DNAH5: variants seen among roughly 807,000 people sequenced by gnomAD.
DNAH5 encodes axonemal beta dynein heavy chain 5.
A neutral mutation model predicts 518.2 loss-of-function variants in DNAH5; 372 were observed. That is an observed-to-expected ratio of 0.72 (90% CI 0.66 to 0.78). The LOEUF is 0.78. Among genes scored for constraint, DNAH5 ranks in the 30% least tolerant of loss-of-function variants. The pLI, the probability that DNAH5 is intolerant of heterozygous loss-of-function variation, is 0.00. For missense variants in DNAH5, 5,523 were observed against 5,687.0 expected (o/e 0.97, Z 0.93); for synonymous variants, 2,039 against 2,025.9 (o/e 1.01, Z -0.17).
chr5:13,733,508 T>C (rs1746905052), intron 68 of DNAH5, among the ~76,000 whole-genome samples: 1 of 152,206 alleles, frequency 6.6e-6, no homozygotes, highest in South Asian at 2.1e-4. Flanking sequence ...AGCTCTTACA[T>C]CTACACATCT....
rs560617577 is a variant in DNAH5, at chr5:13,911,619, AT to A, written c.1537-127del. The A allele has an allele frequency of 3.3e-4, 252 of 768,826 alleles. 2 individuals carry two copies. The African/African-American group carries it at 3.8e-3, about 12-fold the overall frequency. 47.6% of individuals were successfully genotyped at this position (768,826 alleles called of 1,614,324 possible). A position where few individuals can be genotyped will look rare whatever the true frequency, so the allele number is the denominator to read the frequency against. On this transcript the variant is annotated intron_variant, in intron 11 of 78. Transcript: ENST00000265104. Reference sequence around the variant, plus strand: ...AAAAAATAAGTTTAAAGGAAGCCTTATTTTTTTACTCACATTGTTTTGTGCT... The same window carrying A: ...AAAAAATAAGTTTAAAGGAAGCCTTATTTTTTACTCACATTGTTTTGTGCT...
At chr5:13,987,425 T>C (rs1467884982) in intron 1 of DNAH5, among the ~76,000 whole-genome samples, 1 of 152,014 alleles carries the variant, frequency 6.6e-6, no homozygotes, top group East Asian at 1.9e-4. Context: ...TCCAAGCAGA[T>C]TACGGTGACA....
chr5:13,861,971 AAAAAAC>A (rs1390685398), intron 29 of DNAH5, among the ~76,000 whole-genome samples: 1,694 of 149,168 alleles, frequency 0.011, 42 homozygotes, highest in African/African-American at 0.04. Context: ...AAAAAAAAAA[AAAAAAC>A]AAGTTCAAAT....
rs144558633 is a variant in DNAH5 at position 13,823,342 on chromosome 5, C to T, written c.6608G>A (p.Ser2203Asn). 1.9e-6 allele frequency: 3 copies of T among 1,613,784 alleles called. No homozygotes were observed. The highest frequency in any genetic ancestry group is 2.5e-6 in the Non-Finnish European group (3 of 1,179,788). The change falls in exon 40 of 79, where the codon AGT becomes AAT. Residue 2203 changes from serine (S) to asparagine (N), a missense_variant. By Grantham distance (46) the Ser-to-Asn change is conservative. Around this residue, in one of 3 missense-constraint regions of DNAH5, gnomAD observed 5,121 missense variants for 5,223.3 expected, o/e 0.98. Coordinates refer to ENST00000265104, the MANE Select transcript of DNAH5 (RefSeq NM_001369.3). ...ATTTGGAAAGAGATCTTCAATCAAACTCAAAAACAAGGGTTCATCCTCATC... is the reference window on the plus strand; with the variant it reads ...ATTTGGAAAGAGATCTTCAATCAAATTCAAAAACAAGGGTTCATCCTCATC... ...LIDEDEPLFLSLIEDLFPNIL... is the reference protein window; with the variant it reads ...LIDEDEPLFLNLIEDLFPNIL...
At chr5:13,971,244 T>A (rs1008413994) in intron 1 of DNAH5, among the ~76,000 whole-genome samples, 1 of 152,234 alleles carries the variant, frequency 6.6e-6, no homozygotes, top group African/African-American at 2.4e-5. Context: ...AGTAGCTTTA[T>A]AATTGATCTT....
intron 1 of DNAH5, among the ~76,000 whole-genome samples, chr5:13,970,786 A>T (rs987442262): frequency 1.3e-5 from 2 of 152,110 alleles, no homozygotes; most frequent in Non-Finnish European, 2.9e-5. Context: ...TTTTGCTATG[A>T]ATTTCCTGGA....
At chr5:13,870,052 A>G (rs1334651701) in intron 24 of DNAH5, among the ~76,000 whole-genome samples, 1 of 152,188 alleles carries the variant, frequency 6.6e-6, no homozygotes, top group African/African-American at 2.4e-5. Context: ...TGCAAAAAAA[A>G]GACATTTTCA....
chr5:13,806,277 T>A (rs1759566949), intron 47 of DNAH5, among the ~76,000 whole-genome samples: 1 of 152,110 alleles, frequency 6.6e-6, no homozygotes, highest in Non-Finnish European at 1.5e-5. Context: ...CAATTTGGGG[T>A]TGACCATCCA....
chr5:13,901,381 C>T lies in DNAH5; in HGVS notation c.1923G>A (p.Met641Ile). 3 of 1,614,164 alleles carry T rather than the reference C, an allele frequency of 1.9e-6. No homozygotes were observed. The highest frequency in any genetic ancestry group is 1.1e-5 in the South Asian group (1 of 91,082). ...RQLFHRIQQPMQLFQQHPAVL... is the reference protein window; with the variant it reads ...RQLFHRIQQPIQLFQQHPAVL... ...CAGCTGGGTGCTGCTGGAAAAGCTG[C>T]ATGGGCTGCTGAATCCTATGGAAGA... Residue 641 changes from methionine to isoleucine, a missense_variant, in exon 14 of 79, where the codon ATG (methionine) becomes ATA (isoleucine). Met to Ile is a conservative substitution (Grantham distance 10). This residue lies in a region of DNAH5 where 5,121 missense variants were observed against 5,223.3 expected (regional missense o/e 0.98). Transcript: ENST00000265104.
intron 65 of DNAH5, among the ~76,000 whole-genome samples, chr5:13,749,442 A>G (rs1324774799): frequency 6.6e-6 from 1 of 152,146 alleles, no homozygotes; most frequent in Non-Finnish European, 1.5e-5. Flanking sequence ...AGTGTTTTCA[A>G]ATGAGCTTAA....
At chr5:13,721,502 C>T (rs930178076) in intron 70 of DNAH5, among the ~76,000 whole-genome samples, 4 of 152,088 alleles carry the variant, frequency 2.6e-5, no homozygotes, top group African/African-American at 9.7e-5. Context: ...TGGTTTGAAA[C>T]CCATTTCAAT....
At chr5:13,823,037 G>A (rs536282592) in intron 40 of DNAH5, among the ~76,000 whole-genome samples, 7 of 152,166 alleles carry the variant, frequency 4.6e-5, no homozygotes, top group South Asian at 2.1e-4. Context: ...AGGGCTACTC[G>A]CACATGACTA....
At chr5:13,948,990 G>A (rs950850927), upstream of DNAH5, among the ~76,000 whole-genome samples, 2 of 152,076 alleles carry the variant, frequency 1.3e-5, no homozygotes, top group South Asian at 4.1e-4. Context: ...GTTGAGGAAG[G>A]AATGAGAAAG....
At chr5:13,745,790 T>A (rs558850131) in intron 65 of DNAH5, among the ~76,000 whole-genome samples, 2 of 152,204 alleles carry the variant, frequency 1.3e-5, no homozygotes, top group East Asian at 3.9e-4. Flanking sequence ...ATCCTATCCC[T>A]TCCTGTGTGT....
At chr5:13,842,445 A>AG (rs1561407436) in intron 32 of DNAH5, among the ~76,000 whole-genome samples, 13 of 97,860 alleles carry the variant, frequency 1.3e-4, no homozygotes, top group African/African-American at 6.1e-4. Context: ...GAAAGAAAGA[A>AG]AGAAAGAAAG....
At chr5:13,858,153 G>T (rs185803612) in intron 30 of DNAH5, among the ~76,000 whole-genome samples, 2 of 152,250 alleles carry the variant, frequency 1.3e-5, no homozygotes, top group African/African-American at 4.8e-5. Context: ...CAAAAGGAAA[G>T]ACTTGGAACC....
At chr5:13,923,593 C>T (rs541673975) in intron 3 of DNAH5, among the ~76,000 whole-genome samples, 153 bp from the exon 4 acceptor site, 1 of 152,232 alleles carries the variant, frequency 6.6e-6, no homozygotes, top group East Asian at 1.9e-4. Context: ...TAGCATGAGC[C>T]GTACAGGGAT....
chr5:13,848,463 C>T (rs183415057), intron 31 of DNAH5, among the ~76,000 whole-genome samples: 11 of 152,210 alleles, frequency 7.2e-5, no homozygotes, highest in South Asian at 2.1e-4. Flanking sequence ...ATGATTCAAG[C>T]GCATTATATT....
At chr5:13,853,179 C>G (rs1767132920) in intron 30 of DNAH5, among the ~76,000 whole-genome samples, 1 of 152,190 alleles carries the variant, frequency 6.6e-6, no homozygotes, top group African/African-American at 2.4e-5. Flanking sequence ...AAGGAGCAGG[C>G]AGCAATCTTT....
Sources: allele counts gnomAD v4.1 joint callset (sites outside exome capture counted in the v4.1 genomes callset), GRCh38; gene constraint gnomAD v4.1.1; regional missense constraint gnomAD v4.1.1; transcripts MANE v1.5; gene names NCBI Gene and HGNC (gene_info 2026-07-23, HGNC 2026-07-21).